Variants in C6 observed in about 807,000 individuals in gnomAD.
C6 encodes complement C6, also known as complement component C6.
In C6, 101 loss-of-function variants were observed where a neutral mutation model predicts 112.9. The ratio of observed to expected loss-of-function variants is 0.89; its 90% CI spans 0.76 to 1.06. The LOEUF (loss-of-function observed/expected upper bound fraction) is 1.06, where lower values mean the gene tolerates loss of function less well. C6 is among the 50% of genes least tolerant of loss of function. The pLI is 0.00. For synonymous variants in C6, 431 were observed against 384.1 expected, an observed-to-expected ratio of 1.12 and a Z score of -1.43; for missense variants, 1,202 against 1,104.6, an observed-to-expected ratio of 1.09 and a Z score of -1.25.
intron 5 of C6, among the ~76,000 whole-genome samples, chr5:41,193,755 G>A (rs1750394785): frequency 2.0e-5 from 3 of 149,894 alleles, no homozygotes; most frequent in Admixed American, 2.0e-4. Context: ...AATTTTTCTT[G>A]GAGAAATATC....
chr5:41,159,399 T>G, intron 11 of C6, 146 bp from the exon 12 acceptor site: 1 of 1,441,700 alleles, frequency 6.9e-7, no homozygotes, highest in African/African-American at 1.4e-5. Flanking sequence ...TAAAAGAAAT[T>G]ACCTGTGCAA....
At chr5:41,161,317 A>G (rs951089254) in intron 10 of C6, among the ~76,000 whole-genome samples, 5 of 152,218 alleles carry the variant, frequency 3.3e-5, no homozygotes, top group African/African-American at 9.6e-5. Context: ...TCACAGAGCT[A>G]CAAATGAAGA....
intron 1 of C6, among the ~76,000 whole-genome samples, chr5:41,252,074 A>G (rs1053656405): frequency 1.2e-4 from 18 of 152,236 alleles, no homozygotes; most frequent in Non-Finnish European, 2.6e-4. Flanking sequence ...TGTTAAGGTA[A>G]TATGCAAATT....
chr5:41,185,265 G>A (rs1749678542), intron 6 of C6, among the ~76,000 whole-genome samples: 1 of 152,058 alleles, frequency 6.6e-6, no homozygotes, highest in African/African-American at 2.4e-5. Flanking sequence ...GAATTGAATT[G>A]GAAAATGCCT....
chr5:41,256,443 T>TAAAAA (rs5867547), intron 1 of C6, among the ~76,000 whole-genome samples: 2 of 122,908 alleles, frequency 1.6e-5, no homozygotes, highest in African/African-American at 3.1e-5. Flanking sequence ...AAAAAAAAAG[T>TAAAAA]AAAAAAAAAA....
intron 1 of C6, among the ~76,000 whole-genome samples, chr5:41,220,008 T>C (rs1739071181): frequency 6.6e-6 from 1 of 152,088 alleles, no homozygotes; most frequent in Non-Finnish European, 1.5e-5. Context: ...TTGAAAAGTG[T>C]TTGAGGTGGT....
chr5:41,162,195 T>C (rs1747584350), intron 9 of C6, among the ~76,000 whole-genome samples: 1 of 152,160 alleles, frequency 6.6e-6, no homozygotes, highest in African/African-American at 2.4e-5. Context: ...CTGGAACACA[T>C]GGTTACTAAG....
At chr5:41,226,465 G>A (rs1485907480) in intron 1 of C6, among the ~76,000 whole-genome samples, 4 of 152,174 alleles carry the variant, frequency 2.6e-5, no homozygotes, top group Non-Finnish European at 5.9e-5. Flanking sequence ...AGGTGCTGGA[G>A]AAGGTGTGGA....
rs374854271 is a variant in C6, at chr5:41,251,294, G to GA, written c.-21+9899dup. On this transcript the variant is annotated intron_variant, in intron 1 of 17. Transcript: ENST00000263413. The stretch of plus-strand genomic sequence containing the variant: ...AGTCCAAATAAACAACAAGCAGGCT[G>GA]AAAAATCTGGATAGGGGCAGCCTGA... Among the ~76,000 whole-genome samples, 86 of 152,226 alleles carry GA rather than the reference G, an allele frequency of 5.6e-4. 1 individual carries two copies. Among genetic ancestry groups the GA allele is most frequent in the African/African-American group, 2.0e-3 (84 of 41,530 alleles).
chr5:41,213,990 G>T (rs946380690), upstream of C6, among the ~76,000 whole-genome samples: 2 of 152,068 alleles, frequency 1.3e-5, no homozygotes, highest in Non-Finnish European at 2.9e-5. Context: ...AATTTGGAAA[G>T]AATTAAAATA....
chr5:41,234,867 G>C (rs145068717), intron 1 of C6, among the ~76,000 whole-genome samples: 1 of 152,082 alleles, frequency 6.6e-6, no homozygotes. Context: ...ATACAAGGTA[G>C]ATAATTTATT....
At chr5:41,158,875 A>G in intron 12 of C6, 90 bp from the exon 13 acceptor site, 1 of 976,490 alleles carries the variant, frequency 1.0e-6, no homozygotes, top group Non-Finnish European at 1.6e-6. Flanking sequence ...ATGTGTACAC[A>G]TTGCATACAT....
At chr5:41,151,927 C>T (rs1234631763) in intron 15 of C6, among the ~76,000 whole-genome samples, 1 of 149,868 alleles carries the variant, frequency 6.7e-6, no homozygotes, top group Non-Finnish European at 1.5e-5. Context: ...GATTTTCTTA[C>T]AAGAATCAGT....
chr5:41,247,053 A>G (rs1244469414), intron 1 of C6, among the ~76,000 whole-genome samples: 1 of 152,116 alleles, frequency 6.6e-6, no homozygotes, highest in African/African-American at 2.4e-5. Flanking sequence ...ATGTGAGAAA[A>G]CCTGTCTTTC....
At chr5:41,223,804 A>C (rs891337199) in intron 1 of C6, among the ~76,000 whole-genome samples, 7 of 151,800 alleles carry the variant, frequency 4.6e-5, no homozygotes, top group Admixed American at 3.9e-4. Flanking sequence ...TATTTCAACA[A>C]TGTTTCAATA....
At chr5:41,227,255 C>G (rs11950748) in intron 1 of C6, among the ~76,000 whole-genome samples, 1,533 of 151,794 alleles carry the variant, frequency 0.01, 33 homozygotes, top group African/African-American at 0.035. Context: ...TGTATGTCTT[C>G]TTTTGAGAAA....
chr5:41,258,478 T>C (rs1477268753), intron 1 of C6, among the ~76,000 whole-genome samples: 1 of 152,232 alleles, frequency 6.6e-6, no homozygotes, highest in Non-Finnish European at 1.5e-5. Context: ...AGTTTCTAAC[T>C]GGAAGGCAGA....
intron 1 of C6, among the ~76,000 whole-genome samples, chr5:41,255,358 T>TA (rs35687201): frequency 0.73 from 105,765 of 144,304 alleles, 38,480 homozygotes; most frequent in Non-Finnish European, 0.76. Flanking sequence ...GAGATTCCGT[T>TA]AAAAAAAAAA....
Position 41,161,779 on chromosome 5 carries a change from C to T in C6, c.1372G>A (p.Glu458Lys), listed in dbSNP as rs375849793. The T allele has an allele frequency of 9.3e-6, 15 of 1,613,524 alleles. No homozygotes were observed. Among genetic ancestry groups the T allele is most frequent in the African/African-American group, 4.0e-5 (3 of 74,886 alleles). ...TCCTCCAGACCAGAGCTCCCTTTCT[C>T]CCATGCCAAAGCTGCTCCATATTCA... ...RSEYGAALAWEKGSSGLEEKT... is the reference protein window; with the variant it reads ...RSEYGAALAWKKGSSGLEEKT... Residue 458 changes from glutamate to lysine, a missense_variant, in exon 10 of 18, where the codon GAG becomes AAG. By Grantham distance (56) the Glu-to-Lys change is moderately conservative. Coordinates refer to ENST00000337836, the MANE Select transcript of C6 (RefSeq NM_000065.5).
Sources: allele counts gnomAD v4.1 joint callset (sites outside exome capture counted in the v4.1 genomes callset), GRCh38; gene constraint gnomAD v4.1.1; transcripts MANE v1.5; gene names NCBI Gene and HGNC (gene_info 2026-07-23, HGNC 2026-07-21).